TMED1: variants seen among roughly 807,000 people sequenced by gnomAD.
TMED1 encodes transmembrane p24 trafficking protein 1.
Under a neutral mutation model 21.2 loss-of-function variants are expected in TMED1, and 20 were observed. The ratio of observed to expected loss-of-function variants is 0.95; its 90% CI spans 0.67 to 1.37. TMED1 has a LOEUF of 1.37. TMED1 is among the 40% of genes most tolerant of loss of function. TMED1 has a pLI of 0.00. For missense variants in TMED1, 316 were observed against 309.8 expected (o/e 1.02, Z -0.15); for synonymous variants, 149 against 134.7 (o/e 1.11, Z -0.74).
intron 2 of TMED1, 46 bp downstream of exon 2, chr19:10,835,210 G>A (rs759352074): frequency 6.2e-7 from 1 of 1,613,402 alleles, no homozygotes; most frequent in South Asian, 1.1e-5. Context: ...GCCTGGGAAG[G>A]GCAGGGCTGT....
rs1335079488 is a variant in TMED1, at chr19:10,835,108, T to A, written c.291A>T (p.Pro97=). 6.2e-7 allele frequency: 1 copy of A among 1,613,762 alleles called. No individual in the cohort carries two copies. The highest frequency in any genetic ancestry group is 8.5e-7 in the Non-Finnish European group (1 of 1,179,846). Residue 97 remains proline, a synonymous_variant, in exon 3 of 4, where the codon CCA becomes CCT. Transcript: ENST00000214869. The part of the protein sequence containing the change: ...RKADGVHTVE[P]TEAGDYKLCF... ...ACAGCTTGTAGTCCCCGGCCTCCGT[T>A]GGCTCCACCCTGGGCAGACAGACAC...
rs1225973381 is a variant in TMED1 at position 10,836,039 on chromosome 19, C to T, written c.153G>A (p.Pro51=). The T allele has an allele frequency of 3.8e-6, 6 of 1,595,774 alleles. No individual in the cohort carries two copies. Among genetic ancestry groups the T allele is most frequent in the Middle Eastern group, 1.7e-4 (1 of 6,022 alleles). The change falls in exon 1 of 4, where the codon CCG becomes CCA. Residue 51 remains proline, a synonymous_variant. Transcript: ENST00000214869. ...GRKQCFYQSA[P]ANASLETEYQ... is the part of the protein sequence containing the mutation. ...ATTCGGTCTCGAGGCTTGCGTTGGC[C>T]GGCGCGGACTGGTAGAAACACTGCT...
chr19:10,833,870 T>C (rs2073392823), intron 3 of TMED1, among the ~76,000 whole-genome samples: 1 of 152,264 alleles, frequency 6.6e-6, no homozygotes, highest in East Asian at 1.9e-4. Context: ...CACTCCAGCC[T>C]GAGTGACACA....
chr19:10,834,844 A>G (rs766794868), intron 3 of TMED1, 90 bp downstream of exon 3: 1 of 1,444,790 alleles, frequency 6.9e-7, no homozygotes, highest in Non-Finnish European at 9.4e-7. Flanking sequence ...GGGCACAACT[A>G]CGGAGGGGAG....
intron 3 of TMED1, among the ~76,000 whole-genome samples, chr19:10,833,920 A>G (rs761883382): frequency 6.6e-6 from 1 of 152,090 alleles, no homozygotes; most frequent in Non-Finnish European, 1.5e-5. Context: ...CTGTAATCCC[A>G]GAGCTTTGGG....
At position 10,832,157 on chromosome 19, in the gene TMED1, G is replaced by C; in HGVS notation, c.*838C>G. 1.5e-6 allele frequency: 1 copy of C among 654,560 alleles called. No homozygotes were observed. The highest frequency in any genetic ancestry group is 2.4e-6 in the Non-Finnish European group (1 of 421,776). 40.5% of individuals were successfully genotyped at this position (654,560 alleles called of 1,614,324 possible). ...GCACACCCCCACGTGCACAGGCCTG[G>C]CTGCTGCCTGGTGAAGCGGGGACCC... On this transcript the variant is annotated 3_prime_UTR_variant, in exon 4 of 4. Coordinates refer to ENST00000214869, the MANE Select transcript of TMED1 (RefSeq NM_006858.4).
chr19:10,833,823 G>A (rs2073392180), intron 3 of TMED1, among the ~76,000 whole-genome samples: 1 of 152,138 alleles, frequency 6.6e-6, no homozygotes, highest in African/African-American at 2.4e-5. Context: ...TTGAGCCCAG[G>A]AGTTTGAGGC....
At chr19:10,835,704 AGTTGACCTAT>A in intron 1 of TMED1, 1 of 1,389,616 alleles carries the variant, frequency 7.2e-7, no homozygotes, top group East Asian at 2.6e-5. Context: ...ACGCCCCCGC[AGTTGACCTAT>A]CAGCACTATC....
In TMED1 at chr19:10,832,671, A is replaced by C. The variant is rs2073372265; in HGVS notation, c.*324T>G. Reference sequence around the variant, plus strand: ...TGTTAGGCCCTGCCCCGCACCAGGCAACGCTAACACAGGATGGGAGGCTTA... The same window carrying C: ...TGTTAGGCCCTGCCCCGCACCAGGCCACGCTAACACAGGATGGGAGGCTTA... On this transcript the variant is annotated 3_prime_UTR_variant, in exon 4 of 4. Transcript: ENST00000214869. The C allele has an allele frequency of 1.7e-6, 1 of 581,936 alleles. No individual in the cohort carries two copies. Among genetic ancestry groups the C allele is most frequent in the Admixed American group, 3.1e-5 (1 of 32,712 alleles). The allele number at this position is 581,936 out of a possible 1,614,324, so 36.0% of individuals were successfully genotyped here.
In TMED1 at chr19:10,836,040, G is replaced by A; in HGVS notation, c.152C>T (p.Pro51Leu). The A allele has an allele frequency of 1.3e-6, 2 of 1,595,724 alleles. No individual in the cohort carries two copies. The highest frequency in any genetic ancestry group is 4.6e-5 in the East Asian group (2 of 43,746). The change falls in exon 1 of 4, where the codon CCG becomes CTG. Residue 51 changes from proline (P) to leucine (L), a missense_variant. Coordinates refer to ENST00000214869, the MANE Select transcript of TMED1 (RefSeq NM_006858.4). ...TTCGGTCTCGAGGCTTGCGTTGGCC[G>A]GCGCGGACTGGTAGAAACACTGCTT... ...GRKQCFYQSA[P>L]ANASLETEYQ...
intron 1 of TMED1, 161 bp downstream of exon 1, chr19:10,835,848 A>G (rs1356626182): frequency 1.7e-5 from 16 of 962,262 alleles, no homozygotes; most frequent in Non-Finnish European, 1.5e-5. Context: ...TTCCGCTCCC[A>G]CACACCGTCC....
rs73007593 is a variant in TMED1 at position 10,832,196 on chromosome 19, C to G, written c.*799G>C. 0.067 allele frequency: 68,374 copies of G among 1,013,392 alleles called. 2,667 individuals are homozygous for G. Among genetic ancestry groups the G allele is most frequent in the Middle Eastern group, 0.12 (490 of 4,144 alleles). 62.8% of individuals were successfully genotyped at this position (1,013,392 alleles called of 1,614,324 possible). On this transcript the variant is annotated 3_prime_UTR_variant, in exon 4 of 4. Coordinates refer to ENST00000214869, the MANE Select transcript of TMED1 (RefSeq NM_006858.4). ...AAGCGGGGACCCCAGCGCTCCACCC[C>G]CTTCCTACCCTCAGGCCCTGCTTCT...
In TMED1 at chr19:10,832,522, G is replaced by C. The variant is rs942491787; in HGVS notation, c.*473C>G. On this transcript the variant is annotated 3_prime_UTR_variant, in exon 4 of 4. Coordinates refer to ENST00000214869, the MANE Select transcript of TMED1 (RefSeq NM_006858.4). ...GGAGGCTTCTGCCTAGACTTTGGCCGGGCCATCCCTCATGCCTGTGTGGGG... is the reference window on the plus strand; with the variant it reads ...GGAGGCTTCTGCCTAGACTTTGGCCCGGCCATCCCTCATGCCTGTGTGGGG... 1 of 564,724 alleles carries C rather than the reference G, an allele frequency of 1.8e-6. No individual in the cohort carries two copies. Among genetic ancestry groups the C allele is most frequent in the Non-Finnish European group, 2.8e-6 (1 of 356,660 alleles). 35.0% of individuals were successfully genotyped at this position (564,724 alleles called of 1,614,324 possible).
Position 10,836,142 on chromosome 19 carries a change from G to A in TMED1, c.50C>T (p.Pro17Leu), listed in dbSNP as rs758960945. ...CCCCGCCCCTCCCACCTCCACTGGT[G>A]GCATTAGTAGCCACAAGGCCAGGGC... ...ALALALWLLM[P>L]PVEVGGAGPP... Residue 17 changes from proline (P) to leucine (L), a missense_variant, in exon 1 of 4, where the codon CCA becomes CTA. Coordinates refer to ENST00000214869, the MANE Select transcript of TMED1 (RefSeq NM_006858.4). 3.2e-5 allele frequency: 50 copies of A among 1,565,332 alleles called. 2 individuals carry two copies. The South Asian group carries it at 5.7e-4, about 18-fold the overall frequency.
In TMED1 at chr19:10,832,755, G is replaced by A; in HGVS notation, c.*240C>T. 3 of 603,360 alleles carry A rather than the reference G, an allele frequency of 5.0e-6. No individual in the cohort carries two copies. The highest frequency in any genetic ancestry group is 2.9e-5 in the Admixed American group (1 of 33,962). 37.4% of individuals were successfully genotyped at this position (603,360 alleles called of 1,614,324 possible). A position where few individuals can be genotyped will look rare whatever the true frequency, so the allele number is the denominator to read the frequency against. ...AATCCGAGGCTCACGTTCCAACGCT[G>A]CAGTGCCCACCATGTGAGATTTCCA... On this transcript the variant is annotated 3_prime_UTR_variant, in exon 4 of 4. Transcript: ENST00000214869.
chr19:10,835,380 G>A (rs1352821426), intron 1 of TMED1, 27 bp from the exon 2 acceptor site: 1 of 1,612,640 alleles, frequency 6.2e-7, no homozygotes, highest in African/African-American at 1.3e-5. Flanking sequence ...AGCGGGTGGA[G>A]GGCTAGCGGT....
chr19:10,832,864 G>T lies in TMED1; in HGVS notation c.*131C>A. The T allele has an allele frequency of 9.7e-7, 1 of 1,026,278 alleles. No homozygotes were observed. 63.6% of individuals were successfully genotyped at this position (1,026,278 alleles called of 1,614,324 possible). Reference sequence around the variant, plus strand: ...GCTGAGGACGGAAGGAGACTCATGGGGCCAGACCGCAGGCCCTGACTGCAC... The same window carrying T: ...GCTGAGGACGGAAGGAGACTCATGGTGCCAGACCGCAGGCCCTGACTGCAC... On this transcript the variant is annotated 3_prime_UTR_variant, in exon 4 of 4. Coordinates refer to ENST00000214869, the MANE Select transcript of TMED1 (RefSeq NM_006858.4).
Position 10,832,831 on chromosome 19 carries a change from C to T in TMED1, c.*164G>A. 1.3e-6 allele frequency: 1 copy of T among 753,366 alleles called. No individual in the cohort carries two copies. Among genetic ancestry groups the T allele is most frequent in the Non-Finnish European group, 2.1e-6 (1 of 466,860 alleles). 46.7% of individuals were successfully genotyped at this position (753,366 alleles called of 1,614,324 possible). On this transcript the variant is annotated 3_prime_UTR_variant, in exon 4 of 4. Coordinates refer to ENST00000214869, the MANE Select transcript of TMED1 (RefSeq NM_006858.4). ...GTCCCTTCTACAAGCCAGAGGTGTT[C>T]CCTGCCCGCTGAGGACGGAAGGAGA...
At chr19:10,834,035 G>A (rs139820686) in intron 3 of TMED1, among the ~76,000 whole-genome samples, 12 of 152,276 alleles carry the variant, frequency 7.9e-5, no homozygotes, top group African/African-American at 1.4e-4. Flanking sequence ...TCAGTCAGGC[G>A]TGGTGGCACA....
Sources: allele counts gnomAD v4.1 joint callset (sites outside exome capture counted in the v4.1 genomes callset), GRCh38; gene constraint gnomAD v4.1.1; transcripts MANE v1.5; gene names NCBI Gene and HGNC (gene_info 2026-07-23, HGNC 2026-07-21).